ADD1: variants seen among roughly 807,000 people sequenced by gnomAD.
The protein encoded by ADD1 is alpha-adducin.
Under a neutral mutation model 80.5 loss-of-function variants are expected in ADD1, and 24 were observed. The observed-to-expected ratio is 0.30, with a 90% CI of 0.22 to 0.42. The LOEUF (loss-of-function observed/expected upper bound fraction) is 0.42. Among genes scored for constraint, ADD1 ranks in the 10% least tolerant of loss-of-function variants. The pLI, the probability that ADD1 is intolerant of heterozygous loss-of-function variation, is 1.00. For missense variants in ADD1, 948 were observed against 1,019.0 expected (o/e 0.93, Z 0.95); for synonymous variants, 373 against 393.8 (o/e 0.95, Z 0.63).
chr4:2,908,970 CA>C (rs1737534303), intron 12 of ADD1: 1 of 440,158 alleles, frequency 2.3e-6, no homozygotes, highest in Non-Finnish European at 4.2e-6. Flanking sequence ...TTGCTGTCTG[CA>C]ACAAAGTGCT....
chr4:2,854,829 A>G (rs1727828633), intron 1 of ADD1: 1 of 152,218 alleles, frequency 6.6e-6, no homozygotes, highest in African/African-American at 2.4e-5. Context: ...GGTGCTTTAA[A>G]ACAGCAGAAA....
intron 8 of ADD1, 59 bp from the exon 9 acceptor site, chr4:2,899,200 A>T: frequency 6.6e-7 from 1 of 1,516,558 alleles, no homozygotes. Context: ...TATTCAAGTC[A>T]TCTGACCCTC....
chr4:2,922,935 T>C (rs1391647949), intron 14 of ADD1, among the ~76,000 whole-genome samples: 2 of 152,230 alleles, frequency 1.3e-5, no homozygotes, highest in Non-Finnish European at 2.9e-5. Context: ...TTGTTTACAC[T>C]GTGAGGGGAA....
chr4:2,928,284 G>C lies in ADD1; in HGVS notation c.2161G>C (p.Glu721Gln). The C allele has an allele frequency of 6.2e-7, 1 of 1,614,090 alleles. No homozygotes were observed. The change falls in exon 16 of 16, where the codon GAG becomes CAG. Residue 721 changes from glutamate to glutamine, a missense_variant. By Grantham distance (29) the Glu-to-Gln change is conservative. Transcript: ENST00000683351. ...AGAAGCACTCGGCTTCCCAATGTTA[G>C]AGAAGGAGGAGGAAGCCCATAGACC... The part of the protein sequence containing the change: ...PSEALGFPML[E>Q]KEEEAHRPPS...
At chr4:2,881,835 C>T (rs1577542810) in intron 2 of ADD1, 63 bp from the exon 3 acceptor site, 2 of 1,469,870 alleles carry the variant, frequency 1.4e-6, no homozygotes, top group Non-Finnish European at 1.8e-6. Context: ...ATAGCTACTT[C>T]TGACCCCCTG....
intron 3 of ADD1, among the ~76,000 whole-genome samples, chr4:2,882,937 T>A (rs1732607909): frequency 6.6e-6 from 1 of 152,168 alleles, no homozygotes; most frequent in African/African-American, 2.4e-5. Flanking sequence ...CTCAGCTCCC[T>A]GCAAACTACC....
chr4:2,920,932 G>C (rs887137737), intron 14 of ADD1, among the ~76,000 whole-genome samples: 1 of 152,090 alleles, frequency 6.6e-6, no homozygotes, highest in Admixed American at 6.6e-5. Context: ...TCATAGTGTC[G>C]ATGGTCTTTA....
chr4:2,913,368 G>A (rs1738408920), intron 13 of ADD1, among the ~76,000 whole-genome samples: 1 of 152,216 alleles, frequency 6.6e-6, no homozygotes, highest in Non-Finnish European at 1.5e-5. Flanking sequence ...TTCAGATAGT[G>A]AGGCAGGCCT....
chr4:2,870,512 A>G (rs922486912), intron 1 of ADD1, among the ~76,000 whole-genome samples: 6 of 152,166 alleles, frequency 3.9e-5, no homozygotes, highest in Non-Finnish European at 5.9e-5. Flanking sequence ...TTCAGTCAGG[A>G]TTTTCTTCAA....
intron 6 of ADD1, among the ~76,000 whole-genome samples, chr4:2,895,845 G>A (rs1392896094): frequency 6.6e-6 from 1 of 152,026 alleles, no homozygotes; most frequent in Non-Finnish European, 1.5e-5. Flanking sequence ...GGACTTTTGG[G>A]GTTTATTGTA....
At chr4:2,892,417 A>G (rs1734444950) in intron 4 of ADD1, among the ~76,000 whole-genome samples, 1 of 152,288 alleles carries the variant, frequency 6.6e-6, no homozygotes, top group Non-Finnish European at 1.5e-5. Flanking sequence ...AGTGTCTAGC[A>G]TATGCTTGAT....
chr4:2,847,769 G>A (rs1366179752), intron 1 of ADD1, among the ~76,000 whole-genome samples: 7 of 152,136 alleles, frequency 4.6e-5, no homozygotes, highest in Non-Finnish European at 8.8e-5. Flanking sequence ...AGTCCAGAAC[G>A]GCGGGGACAG....
chr4:2,914,461 A>T (rs1738632854), intron 13 of ADD1, among the ~76,000 whole-genome samples: 1 of 152,260 alleles, frequency 6.6e-6, no homozygotes. Context: ...AGCTCTGAGC[A>T]TGCCTTACGC....
At chr4:2,909,574 A>G in intron 13 of ADD1, 143 bp downstream of exon 13, 1 of 634,760 alleles carries the variant, frequency 1.6e-6, no homozygotes, top group Non-Finnish European at 2.8e-6. Context: ...GATTGTACAG[A>G]AGGTTCTGTT....
At chr4:2,844,080 G>T (rs1197453227) in intron 1 of ADD1, 56 bp downstream of exon 1, 2 of 149,750 alleles carry the variant, frequency 1.3e-5, no homozygotes, top group Non-Finnish European at 3.0e-5. Flanking sequence ...GCGGCGGCGG[G>T]GGCGCGGGGA....
intron 9 of ADD1, chr4:2,899,882 C>T (rs1287008463): frequency 6.9e-6 from 2 of 290,328 alleles, no homozygotes. Flanking sequence ...GCGTGGGAGC[C>T]CCTCAGCTGC....
intron 1 of ADD1, among the ~76,000 whole-genome samples, chr4:2,872,293 C>A (rs1443300456): frequency 2.0e-5 from 3 of 152,168 alleles, no homozygotes; most frequent in African/African-American, 4.8e-5. Context: ...ATGGTGAAAT[C>A]TTAAAATGTA....
intron 1 of ADD1, among the ~76,000 whole-genome samples, chr4:2,846,225 C>T (rs1394840156): frequency 1.3e-5 from 2 of 152,104 alleles, no homozygotes; most frequent in East Asian, 1.9e-4. Context: ...TGATAGTTTC[C>T]CCTCCATATT....
intron 1 of ADD1, among the ~76,000 whole-genome samples, chr4:2,846,777 A>G (rs1577396628): frequency 6.7e-6 from 1 of 149,932 alleles, no homozygotes; most frequent in African/African-American, 2.5e-5. Context: ...TCGAGGCTAC[A>G]GTGAGCCATG....
Sources: gnomAD v4.1 joint callset for allele counts (sites outside exome capture counted in the v4.1 genomes callset) on GRCh38, gnomAD v4.1.1 for gene constraint, MANE v1.5 for transcripts, NCBI Gene and HGNC (gene_info 2026-07-23, HGNC 2026-07-21) for gene names.